Variants in ARL3 observed in about 807,000 individuals in gnomAD.
ARL3 encodes the protein ADP-ribosylation factor-like protein 3.
ARL3 carries 9 observed loss-of-function variants against 26.0 expected under a neutral mutation model. That is an observed-to-expected ratio of 0.35 (90% CI 0.21 to 0.60). The LOEUF is 0.60. Among genes scored for constraint, ARL3 ranks in the 20% least tolerant of loss-of-function variants. The pLI is 0.78. For missense variants in ARL3, 158 were observed against 215.7 expected (o/e 0.73, Z 1.67); for synonymous variants, 71 against 78.4 (o/e 0.91, Z 0.50).
chr10:102,697,745 A>G (rs2064256879), intron 3 of ARL3, among the ~76,000 whole-genome samples: 1 of 152,154 alleles, frequency 6.6e-6, no homozygotes, highest in South Asian at 2.1e-4. Context: ...AAAAATAGCA[A>G]TGGAGATTTA....
At position 102,713,781 on chromosome 10, in the gene ARL3, G is replaced by A. The variant is rs749285695; in HGVS notation, c.3+492C>T. 1.1e-3 allele frequency among the ~76,000 whole-genome samples: 162 copies of A among 152,328 alleles called. 1 individual carries two copies. The highest frequency in any genetic ancestry group is 1.9e-3 in the Non-Finnish European group (126 of 68,032). On this transcript the variant is annotated intron_variant, in intron 1 of 5. Coordinates refer to ENST00000260746, the MANE Select transcript of ARL3 (RefSeq NM_004311.4). ...GGGGCCCGCACAGCGCGAGAAGGAG[G>A]AGAGCTAGGCTACCATCTCCCCTGC...
chr10:102,705,290 A>G (rs959808297), intron 2 of ARL3, 56 bp downstream of exon 2: 6 of 1,488,756 alleles, frequency 4.0e-6, no homozygotes, highest in Non-Finnish European at 5.4e-6. Context: ...TGTCTTTCAC[A>G]TTGCTATTAT....
chr10:102,678,603 G>A (rs542410499), intron 5 of ARL3, among the ~76,000 whole-genome samples: 88 of 152,164 alleles, frequency 5.8e-4, no homozygotes, highest in Non-Finnish European at 1.0e-3. Context: ...ACGGAGGCTC[G>A]CACTCAAACC....
intron 5 of ARL3, among the ~76,000 whole-genome samples, chr10:102,677,541 C>A (rs1452033403): frequency 6.6e-6 from 1 of 152,182 alleles, no homozygotes; most frequent in Non-Finnish European, 1.5e-5. Context: ...TCCAGAGGGA[C>A]TGGGGAGAAG....
intron 2 of ARL3, among the ~76,000 whole-genome samples, chr10:102,701,603 C>A (rs2064279818): frequency 6.6e-6 from 1 of 152,084 alleles, no homozygotes; most frequent in East Asian, 1.9e-4. Context: ...TTAAAAATTC[C>A]ACACTCAACA....
intron 5 of ARL3, among the ~76,000 whole-genome samples, chr10:102,683,850 A>G (rs2064168451): frequency 6.6e-6 from 1 of 151,880 alleles, no homozygotes; most frequent in South Asian, 2.1e-4. Context: ...ATGACAGGAG[A>G]TCCCTCTCTA....
chr10:102,692,939 G>T (rs1380171576), intron 3 of ARL3, among the ~76,000 whole-genome samples: 1 of 151,970 alleles, frequency 6.6e-6, no homozygotes, highest in Non-Finnish European at 1.5e-5. Context: ...CTCGTGATCT[G>T]CCCGCCTTGG....
intron 5 of ARL3, 50 bp from the exon 6 acceptor site, chr10:102,676,991 C>T (rs753227775): frequency 6.3e-7 from 1 of 1,593,830 alleles, no homozygotes; most frequent in Non-Finnish European, 8.6e-7. Flanking sequence ...AAGAAAAGCA[C>T]CACACACTCT....
intron 2 of ARL3, among the ~76,000 whole-genome samples, chr10:102,702,275 C>T (rs1209649011): frequency 6.6e-6 from 1 of 151,526 alleles, no homozygotes; most frequent in African/African-American, 2.4e-5. Context: ...TTAAATATAC[C>T]CATCATATAT....
rs183412902 is a variant in ARL3 at position 102,679,078 on chromosome 10, T to G, written c.502-2137A>C. ...GGCTGCCCTGGGCCCGGGAGGCCCC[T>G]CTAATCTGAAGCGGCTAGTGCTTGG... is the stretch of plus-strand genomic sequence containing the variant. On this transcript the variant is annotated intron_variant, in intron 5 of 5. Coordinates refer to ENST00000260746, the MANE Select transcript of ARL3 (RefSeq NM_004311.4). Among the ~76,000 whole-genome samples, 1,068 of 152,284 alleles carry G rather than the reference T, an allele frequency of 7.0e-3. 13 individuals are homozygous for G. Among genetic ancestry groups the G allele is most frequent in the African/African-American group, 0.024 (1,004 of 41,562 alleles).
intron 3 of ARL3, among the ~76,000 whole-genome samples, chr10:102,697,707 C>CT (rs1389821151): frequency 6.6e-6 from 1 of 151,966 alleles, no homozygotes; most frequent in Non-Finnish European, 1.5e-5. Flanking sequence ...CCGGGGCTCT[C>CT]TAACATTTGG....
intron 5 of ARL3, among the ~76,000 whole-genome samples, chr10:102,682,107 A>G (rs2064158469): frequency 6.6e-6 from 1 of 152,100 alleles, no homozygotes; most frequent in Non-Finnish European, 1.5e-5. Flanking sequence ...GCAGAGTGAC[A>G]CTTCCTCCAT....
chr10:102,689,380 G>T (rs1468660183), intron 4 of ARL3, among the ~76,000 whole-genome samples: 2 of 152,098 alleles, frequency 1.3e-5, no homozygotes, highest in African/African-American at 4.8e-5. Context: ...CAGACAACTG[G>T]TATTTTTGCC....
intron 5 of ARL3, among the ~76,000 whole-genome samples, chr10:102,682,267 T>C (rs1287787179): frequency 2.0e-5 from 3 of 151,488 alleles, no homozygotes; most frequent in African/African-American, 7.3e-5. Flanking sequence ...CTGAGATTGA[T>C]GATCTCCTTC....
At chr10:102,691,836 A>G (rs2064219682) in intron 3 of ARL3, among the ~76,000 whole-genome samples, 1 of 152,228 alleles carries the variant, frequency 6.6e-6, no homozygotes, top group Non-Finnish European at 1.5e-5. Flanking sequence ...AACATAGACA[A>G]ATATAACCCA....
At chr10:102,700,936 C>T in intron 2 of ARL3, among the ~76,000 whole-genome samples, 1 of 151,980 alleles carries the variant, frequency 6.6e-6, no homozygotes. Flanking sequence ...GGGGTTTCTC[C>T]ATGTTGGTCA....
At chr10:102,705,843 T>C (rs562658479) in intron 1 of ARL3, among the ~76,000 whole-genome samples, 1 of 152,138 alleles carries the variant, frequency 6.6e-6, no homozygotes, top group East Asian at 1.9e-4. Flanking sequence ...AGGTAACTGA[T>C]GTTTGTATTT....
chr10:102,680,411 AAC>A (rs1280960799), intron 5 of ARL3, among the ~76,000 whole-genome samples: 1 of 152,210 alleles, frequency 6.6e-6, no homozygotes, highest in African/African-American at 2.4e-5. Context: ...TCAATTCAAT[AAC>A]AGAGACTAAA....
chr10:102,696,199 C>T (rs538853937), intron 3 of ARL3, among the ~76,000 whole-genome samples: 64 of 149,914 alleles, frequency 4.3e-4, no homozygotes, highest in African/African-American at 1.4e-3. Flanking sequence ...CTCCTGACCT[C>T]GTGATCCACC....
Sources: allele counts gnomAD v4.1 joint callset (sites outside exome capture counted in the v4.1 genomes callset), GRCh38; gene constraint gnomAD v4.1.1; transcripts MANE v1.5; gene names NCBI Gene and HGNC (gene_info 2026-07-23, HGNC 2026-07-21).